The following DPP3 variants were observed in gnomAD, a reference collection of about 807,000 sequenced individuals.
DPP3 encodes DPP III.
In DPP3, 64 loss-of-function variants were observed where a neutral mutation model predicts 89.8. The ratio of observed to expected loss-of-function variants is 0.71; its 90% confidence interval spans 0.58 to 0.88. DPP3 has a LOEUF of 0.88. DPP3 is among the 40% of genes least tolerant of loss of function. The pLI is 0.00. For synonymous variants in DPP3, 377 were observed against 404.3 expected, an observed-to-expected ratio of 0.93 and a Z score of 0.81; for missense variants, 835 against 972.5, an observed-to-expected ratio of 0.86 and a Z score of 1.88.
At position 66,493,677 on chromosome 11, in the gene DPP3, C is replaced by T. The variant is rs200929591; in HGVS notation, c.1389+44C>T. ...GCCCTGGCACCCCAGCCTACAGCTC[C>T]ACTCCCCACAACCTGCCCTACCCAG... On this transcript the variant is annotated intron_variant, in intron 12 of 17. Transcript: ENST00000531863. 7.1e-6 allele frequency: 11 copies of T among 1,556,996 alleles called. No individual in the cohort carries two copies. In the Admixed American group the frequency reaches 1.3e-4, roughly 19 times the overall value.
chr11:66,495,077 G>T, intron 12 of DPP3, 129 bp from the exon 13 acceptor site: 3 of 1,318,442 alleles, frequency 2.3e-6, no homozygotes, highest in Non-Finnish European at 3.2e-6. Flanking sequence ...GGACAGACCT[G>T]CTGCTCCCGC....
rs1408437434 is a variant in DPP3, at chr11:66,490,144, C to T, written c.668-1109C>T. Among the ~76,000 whole-genome samples, 5 of 63,954 alleles carry T rather than the reference C, an allele frequency of 7.8e-5. No individual in the cohort carries two copies. The East Asian group carries it at 2.8e-3, about 36-fold the overall frequency. 42.0% of individuals were successfully genotyped at this position (63,954 alleles called of 152,430 possible). A position where few individuals can be genotyped will look rare whatever the true frequency, so the allele number is the denominator to read the frequency against. On this transcript the variant is annotated intron_variant, in intron 6 of 17. Transcript: ENST00000531863. ...ACTGGGCAACCTTACAAGATCCTAT[C>T]TAAAAAAAAAAAAAAAAAAAAAAAA...
At chr11:66,504,899 C>T in intron 17 of DPP3, 125 bp downstream of exon 17, 10 of 1,095,922 alleles carry the variant, frequency 9.1e-6, no homozygotes, top group Non-Finnish European at 1.2e-5. Context: ...TGGCCCTTCC[C>T]TTTCTGCCAA....
At chr11:66,507,893 T>C (rs1855843562) in intron 17 of DPP3, among the ~76,000 whole-genome samples, 1 of 152,006 alleles carries the variant, frequency 6.6e-6, no homozygotes, top group Admixed American at 6.6e-5. Context: ...GCCAGGCTAA[T>C]CTCGAACTCC....
At position 66,504,712 on chromosome 11, in the gene DPP3, A is replaced by G; in HGVS notation, c.1979A>G (p.Asp660Gly). 6.2e-7 allele frequency: 1 copy of G among 1,613,252 alleles called. No individual in the cohort carries two copies. The highest frequency in any genetic ancestry group is 1.3e-5 in the African/African-American group (1 of 74,952). ...CCCGAGTGCTTCCTCACCCTCAGGG[A>G]CACGGTGCTGCTGCGTAAGGAATCT... is the stretch of plus-strand genomic sequence containing the variant. ...APPECFLTLR[D>G]TVLLRKESRK... is the part of the protein sequence containing the mutation. Residue 660 changes from aspartate (D) to glycine (G), a missense_variant, in exon 17 of 18, where the codon GAC becomes GGC. By Grantham distance (94) the Asp-to-Gly change is moderately conservative. Coordinates refer to ENST00000531863, the MANE Select transcript of DPP3 (RefSeq NM_130443.4).
At chr11:66,488,304 G>A (rs1855289394) in intron 6 of DPP3, among the ~76,000 whole-genome samples, 1 of 152,200 alleles carries the variant, frequency 6.6e-6, no homozygotes, top group Non-Finnish European at 1.5e-5. Context: ...GCTCACACCT[G>A]TAATCCCAGC....
intron 16 of DPP3, among the ~76,000 whole-genome samples, chr11:66,503,220 G>T (rs899006062): frequency 4.0e-5 from 6 of 150,842 alleles, no homozygotes; most frequent in Non-Finnish European, 7.4e-5. Flanking sequence ...GCCTGCCTCG[G>T]CCTCCCAAAG....
chr11:66,494,858 G>C (rs990321458), intron 12 of DPP3, among the ~76,000 whole-genome samples: 1 of 152,138 alleles, frequency 6.6e-6, no homozygotes, highest in Admixed American at 6.5e-5. Context: ...CAGCTGGGCT[G>C]TCTGGCCTAC....
Position 66,503,337 on chromosome 11 carries a change from C to T in DPP3, c.1879-1275C>T, listed in dbSNP as rs1565275885. Among the ~76,000 whole-genome samples, 4 of 152,138 alleles carry T rather than the reference C, an allele frequency of 2.6e-5. No individual in the cohort carries two copies. In the South Asian group the frequency reaches 6.2e-4, roughly 24 times the overall value. ...CTACATGTCAAATGAGATAATCAAA[C>T]GAGAAACATTAGCTTTAATTTTGTG... is the stretch of plus-strand genomic sequence containing the variant. On this transcript the variant is annotated intron_variant, in intron 16 of 17. Coordinates refer to ENST00000531863, the MANE Select transcript of DPP3 (RefSeq NM_130443.4).
Position 66,497,446 on chromosome 11 carries a change from C to T in DPP3, c.1847C>T (p.Pro616Leu). Residue 616 changes from proline to leucine, a missense_variant, in exon 16 of 18, where the codon CCT becomes CTT. Coordinates refer to ENST00000531863, the MANE Select transcript of DPP3 (RefSeq NM_130443.4). ...AGCAAGATCCGGTCTGTGGGCAAGCCTGCTCTAGAGCGCTTCCTGCGGAGA... is the reference window on the plus strand; with the variant it reads ...AGCAAGATCCGGTCTGTGGGCAAGCTTGCTCTAGAGCGCTTCCTGCGGAGA... ...DRSKIRSVGK[P>L]ALERFLRRLQ... The T allele has an allele frequency of 6.2e-7, 1 of 1,614,016 alleles. No homozygotes were observed. The highest frequency in any genetic ancestry group is 8.5e-7 in the Non-Finnish European group (1 of 1,180,026).
At chr11:66,480,612 C>A in intron 1 of DPP3, 147 bp downstream of exon 1, 1 of 932,432 alleles carries the variant, frequency 1.1e-6, no homozygotes, top group Non-Finnish European at 1.5e-6. Flanking sequence ...CCAAGGAGTG[C>A]TCCGGGGAGC....
At chr11:66,499,357 C>A (rs1020352386) in intron 16 of DPP3, among the ~76,000 whole-genome samples, 1 of 150,442 alleles carries the variant, frequency 6.6e-6, no homozygotes, top group South Asian at 2.1e-4. Flanking sequence ...GAGCAAAACT[C>A]CGCCTCAAAA....
intron 4 of DPP3, 134 bp from the exon 5 acceptor site, chr11:66,487,134 C>G: frequency 1.2e-6 from 1 of 808,830 alleles, no homozygotes; most frequent in Non-Finnish European, 2.1e-6. Context: ...AACTTTTTCC[C>G]CTGGAGGTAG....
chr11:66,492,498 C>T (rs1001707450), intron 9 of DPP3: 5 of 519,508 alleles, frequency 9.6e-6, no homozygotes, highest in Non-Finnish European at 1.3e-5. Context: ...GGGCAGGCGG[C>T]CCAGGGGCCT....
chr11:66,502,486 T>C (rs1855702636), intron 16 of DPP3, among the ~76,000 whole-genome samples: 1 of 145,486 alleles, frequency 6.9e-6, no homozygotes, highest in Non-Finnish European at 1.5e-5. Flanking sequence ...TTTTTTTTTT[T>C]CGAAACCAAG....
chr11:66,484,271 CT>C (rs923335346), intron 2 of DPP3, among the ~76,000 whole-genome samples: 1 of 152,164 alleles, frequency 6.6e-6, no homozygotes, highest in African/African-American at 2.4e-5. Context: ...GCCACCACGC[CT>C]GGCCATTTAG....
intron 15 of DPP3, among the ~76,000 whole-genome samples, chr11:66,496,427 T>A (rs1855537846): frequency 6.7e-6 from 1 of 148,570 alleles, no homozygotes; most frequent in East Asian, 2.0e-4. Flanking sequence ...ATTTTTTTTT[T>A]CTTTTGAGAC....
intron 15 of DPP3, 93 bp from the exon 16 acceptor site, chr11:66,497,205 C>A: frequency 6.7e-7 from 1 of 1,488,182 alleles, no homozygotes; most frequent in South Asian, 1.3e-5. Flanking sequence ...GGACCAAGGA[C>A]CAAGCCTGGG....
chr11:66,495,836 C>G, intron 15 of DPP3, 86 bp downstream of exon 15: 1 of 1,530,836 alleles, frequency 6.5e-7, no homozygotes, highest in Non-Finnish European at 8.8e-7. Context: ...ACCACTGTAC[C>G]TTTAAGGCAG....
Sources: allele counts gnomAD v4.1 joint callset (sites outside exome capture counted in the v4.1 genomes callset), GRCh38; gene constraint gnomAD v4.1.1; transcripts MANE v1.5; gene names NCBI Gene and HGNC (gene_info 2026-07-23, HGNC 2026-07-21).